POLA1: variants seen among roughly 807,000 people sequenced by gnomAD.
POLA1 encodes DNA polymerase alpha catalytic subunit.
POLA1 carries 15 observed loss-of-function variants against 124.0 expected under a neutral mutation model. The ratio of observed to expected loss-of-function variants is 0.12; its 90% CI spans 0.08 to 0.19. The LOEUF is 0.19. Among genes scored for constraint, POLA1 ranks in the 10% least tolerant of loss-of-function variants. POLA1 has a pLI of 1.00. For missense variants in POLA1, 886 were observed against 1,103.4 expected (o/e 0.80, Z 2.79); for synonymous variants, 408 against 389.4 (o/e 1.05, Z -0.56).
chrX:24,723,256 C>T lies in POLA1; in HGVS notation c.1189C>T (p.Pro397Ser). 2.6e-6 allele frequency: 3 copies of T among 1,163,248 alleles called. No homozygotes were observed. The South Asian group carries it at 5.4e-5, about 21-fold the overall frequency. ...TATCGAGCGAACGCTTTACTTCCTT[C>T]CCCGTGAAATGGTAAACATTAGTGA... is the stretch of plus-strand genomic sequence containing the variant. Reference protein sequence around the residue: ...KNIERTLYFLPREMKIDLNTG... With the variant: ...KNIERTLYFLSREMKIDLNTG... Residue 397 changes from proline (P) to serine (S), a missense_variant, in exon 11 of 37, where the codon CCC (proline) becomes TCC (serine). By Grantham distance (74) the Pro-to-Ser change is moderately conservative (BLOSUM62 -1). Around this residue, in one of 7 missense-constraint regions of POLA1, gnomAD observed 337 missense variants for 402.8 expected, o/e 0.84. Coordinates refer to ENST00000379068, the MANE Select transcript of POLA1 (RefSeq NM_001330360.2).
chrX:24,732,043 C>T (rs1444606833), intron 15 of POLA1, among the ~76,000 whole-genome samples: 1 of 112,112 alleles, frequency 8.9e-6, no homozygotes, highest in East Asian at 2.8e-4. Flanking sequence ...CAACCTCTGC[C>T]TCTTGGGTTC....
intron 26 of POLA1, among the ~76,000 whole-genome samples, chrX:24,809,653 TTG>T (rs1649892889): frequency 9.0e-6 from 1 of 111,386 alleles, no homozygotes; most frequent in African/African-American, 3.3e-5. Context: ...AGATATTTTA[TTG>T]TGTGTGTGTT....
At chrX:24,994,635 C>T (rs1156939391) in intron 36 of POLA1, among the ~76,000 whole-genome samples, 1 of 110,597 alleles carries the variant, frequency 9.0e-6, no homozygotes, top group Non-Finnish European at 1.9e-5. Context: ...TGAGCCTCTC[C>T]TCAGGTGCGG....
chrX:24,739,963 T>A (rs1362361043), intron 20 of POLA1, among the ~76,000 whole-genome samples: 1 of 111,721 alleles, frequency 9.0e-6, no homozygotes, highest in Non-Finnish European at 1.9e-5. Context: ...TGGACTTCTC[T>A]TTTCTGACTT....
chrX:24,865,653 T>C (rs907404771), intron 34 of POLA1, among the ~76,000 whole-genome samples: 2 of 111,538 alleles, frequency 1.8e-5, no homozygotes, highest in African/African-American at 6.5e-5. Flanking sequence ...TTATTTCCTC[T>C]CTGAGTGTTT....
chrX:24,823,161 G>T (rs1252049044), intron 31 of POLA1, among the ~76,000 whole-genome samples: 1 of 111,291 alleles, frequency 9.0e-6, no homozygotes, highest in Non-Finnish European at 1.9e-5. Flanking sequence ...ACTGGTATGT[G>T]CCTTATTTGC....
intron 34 of POLA1, among the ~76,000 whole-genome samples, chrX:24,876,685 G>GT (rs1270202116): frequency 9.4e-6 from 1 of 106,341 alleles, no homozygotes; most frequent in Non-Finnish European, 1.9e-5. Context: ...TGGGGTCGGG[G>GT]GGGGGGATAG....
intron 26 of POLA1, among the ~76,000 whole-genome samples, chrX:24,807,074 T>C (rs1343299497): frequency 1.2e-4 from 13 of 112,239 alleles, no homozygotes; most frequent in Non-Finnish European, 2.1e-4. Context: ...CCTCAGGTTA[T>C]GCATGGCAAT....
intron 34 of POLA1, among the ~76,000 whole-genome samples, chrX:24,857,877 AT>A (rs2046666335): frequency 9.0e-6 from 1 of 111,263 alleles, no homozygotes; most frequent in African/African-American, 3.3e-5. Context: ...GCCTAGAGAG[AT>A]TTCTAAAAGG....
At chrX:24,824,666 T>G (rs1055323050) in intron 31 of POLA1, among the ~76,000 whole-genome samples, 7 of 109,418 alleles carry the variant, frequency 6.4e-5, no homozygotes, top group Non-Finnish European at 1.3e-4. Flanking sequence ...TAGCAAAACC[T>G]GTCATCTAAC....
intron 26 of POLA1, among the ~76,000 whole-genome samples, chrX:24,803,799 G>A (rs1361677803): frequency 1.8e-5 from 2 of 109,393 alleles, no homozygotes; most frequent in East Asian, 5.7e-4. Flanking sequence ...TTTTAGACCT[G>A]TGAGGAATCT....
intron 36 of POLA1, among the ~76,000 whole-genome samples, chrX:24,931,403 A>AATC (rs1156243342): frequency 8.9e-6 from 1 of 111,867 alleles, no homozygotes; most frequent in African/African-American, 3.3e-5. Flanking sequence ...CCCGCATAAG[A>AATC]ATCCCCATGC....
At chrX:24,728,517 G>A (rs780300654) in intron 15 of POLA1, among the ~76,000 whole-genome samples, 1 of 111,810 alleles carries the variant, frequency 8.9e-6, no homozygotes, top group African/African-American at 3.2e-5. Flanking sequence ...TTCGCAGATG[G>A]TATTTAATCT....
chrX:24,724,114 C>T (rs1382358098), intron 11 of POLA1, among the ~76,000 whole-genome samples: 2 of 112,351 alleles, frequency 1.8e-5, no homozygotes, highest in Non-Finnish European at 3.8e-5. Flanking sequence ...TCATCTTTAT[C>T]GCTGATTTGT....
intron 36 of POLA1, among the ~76,000 whole-genome samples, chrX:24,966,358 C>A (rs1295207087): frequency 9.0e-6 from 1 of 111,332 alleles, no homozygotes; most frequent in African/African-American, 3.3e-5. Context: ...AGGAAAAATT[C>A]CACTGCCACC....
At chrX:24,927,439 A>C (rs2047711419) in intron 35 of POLA1, among the ~76,000 whole-genome samples, 1 of 111,908 alleles carries the variant, frequency 8.9e-6, no homozygotes, top group Non-Finnish European at 1.9e-5. Context: ...GCCAGGTATC[A>C]AAACAGAGTT....
At chrX:24,852,715 C>A (rs1380896410) in intron 34 of POLA1, among the ~76,000 whole-genome samples, 1 of 111,971 alleles carries the variant, frequency 8.9e-6, no homozygotes, top group Non-Finnish European at 1.9e-5. Context: ...TTTTACTGTG[C>A]TATAGTGTAA....
chrX:24,741,906 T>C (rs1931686735), intron 21 of POLA1, 96 bp from the exon 22 acceptor site: 1 of 641,188 alleles, frequency 1.6e-6, no homozygotes, highest in East Asian at 3.5e-5. Context: ...AGGAATAGTT[T>C]TGAAGGAGGT....
chrX:24,714,822 G>GAAATT (rs1929716231), intron 5 of POLA1, among the ~76,000 whole-genome samples, 153 bp downstream of exon 5: 1 of 112,639 alleles, frequency 8.9e-6, no homozygotes, highest in Non-Finnish European at 1.9e-5. Context: ...GTGAATTAAG[G>GAAATT]CACCTCAGTG....
Sources: allele counts gnomAD v4.1 joint callset (sites outside exome capture counted in the v4.1 genomes callset), GRCh38; gene constraint gnomAD v4.1.1; regional missense constraint gnomAD v4.1.1; transcripts MANE v1.5; gene names NCBI Gene and HGNC (gene_info 2026-07-23, HGNC 2026-07-21).